EIF2S3B: variants seen among roughly 807,000 people sequenced by gnomAD.
EIF2S3B encodes the protein eukaryotic translation initiation factor 2 subunit 3B.
EIF2S3B carries 16 observed loss-of-function variants against 26.4 expected under a neutral mutation model. The observed-to-expected ratio is 0.61, with a 90% CI of 0.41 to 0.92. The LOEUF (loss-of-function observed/expected upper bound fraction) is 0.92. Ranked by LOEUF, EIF2S3B falls within the 40% of genes least tolerant of loss-of-function variation. The pLI is 0.00. For synonymous variants in EIF2S3B, 183 were observed against 204.4 expected (o/e 0.90, Z 0.89); for missense variants, 510 against 575.5 (o/e 0.89, Z 1.16).
At chr12:10,513,947 G>A (rs895676054) in intron 1 of EIF2S3B, among the ~76,000 whole-genome samples, 3 of 152,120 alleles carry the variant, frequency 2.0e-5, no homozygotes, top group African/African-American at 7.2e-5. Context: ...CCTGGGAGGT[G>A]GAGGTTGCAG....
At chr12:10,516,662 T>A in intron 1 of EIF2S3B, among the ~76,000 whole-genome samples, 1 of 151,718 alleles carries the variant, frequency 6.6e-6, no homozygotes, top group East Asian at 1.9e-4. Flanking sequence ...ATAGGAGTGG[T>A]GAGAGAGGGC....
At chr12:10,519,098 A>T (rs1044032572) in intron 1 of EIF2S3B, among the ~76,000 whole-genome samples, 9 of 151,876 alleles carry the variant, frequency 5.9e-5, no homozygotes, top group Non-Finnish European at 1.3e-4. Context: ...ACGCTACCTG[A>T]CTTCAAACTA....
intron 1 of EIF2S3B, among the ~76,000 whole-genome samples, chr12:10,514,282 A>T (rs578000332): frequency 8.7e-4 from 132 of 151,626 alleles, no homozygotes; most frequent in Non-Finnish European, 1.5e-3. Flanking sequence ...TTTTATTTCT[A>T]AATGTTGACT....
At position 10,522,400 on chromosome 12, in the gene EIF2S3B, A is replaced by T. The variant is rs557490230; in HGVS notation, c.1309-203A>T. The stretch of plus-strand genomic sequence containing the variant: ...ACTATGTCTATAACTATATTCTGTG[A>T]TTAGTTAAATAATATATGCAGTTTT... On this transcript the variant is annotated intron_variant, in intron 1 of 1. Transcript: ENST00000322446. 4.8e-5 allele frequency among the ~76,000 whole-genome samples: 7 copies of T among 144,620 alleles called. No homozygotes were observed. In the East Asian group the frequency reaches 7.7e-4, roughly 16 times the overall value. 94.9% of individuals were successfully genotyped at this position (144,620 alleles called of 152,430 possible).
At chr12:10,518,062 T>TGGTGC (rs1215312057) in intron 1 of EIF2S3B, among the ~76,000 whole-genome samples, 3 of 151,930 alleles carry the variant, frequency 2.0e-5, no homozygotes, top group African/African-American at 4.8e-5. Context: ...AGGTGTGGTG[T>TGGTGC]GGTGCTGAAA....
chr12:10,515,773 TATATA>T (rs1864748826), intron 1 of EIF2S3B, among the ~76,000 whole-genome samples: 2 of 151,792 alleles, frequency 1.3e-5, no homozygotes, highest in Admixed American at 6.6e-5. Context: ...TGTTATTTTA[TATATA>T]ATATACGTAT....
At chr12:10,516,747 T>G (rs940749924) in intron 1 of EIF2S3B, among the ~76,000 whole-genome samples, 7 of 151,968 alleles carry the variant, frequency 4.6e-5, no homozygotes, top group Admixed American at 6.6e-5. Flanking sequence ...GGCTGTGGGT[T>G]TGTCATAGAT....
downstream of EIF2S3B, among the ~76,000 whole-genome samples, chr12:10,512,297 A>G (rs990263035): frequency 1.3e-5 from 2 of 152,106 alleles, no homozygotes; most frequent in Non-Finnish European, 1.5e-5. Flanking sequence ...GGAACATTCT[A>G]TCACTCACCA....
downstream of EIF2S3B, among the ~76,000 whole-genome samples, chr12:10,510,124 T>C (rs1864689877): frequency 6.6e-6 from 1 of 152,176 alleles, no homozygotes; most frequent in Non-Finnish European, 1.5e-5. Context: ...TATTGAATAG[T>C]CTGATGTATA....
At chr12:10,522,647 C>A in exon 2 of EIF2S3B, 1 of 697,946 alleles carries the variant, frequency 1.4e-6, no homozygotes, top group Non-Finnish European at 2.6e-6. Flanking sequence ...TAGAATGGGG[C>A]CCAGTTCTTA....
intron 1 of EIF2S3B, among the ~76,000 whole-genome samples, chr12:10,522,018 T>A (rs1455345654): frequency 6.6e-6 from 1 of 152,182 alleles, no homozygotes; most frequent in Admixed American, 6.6e-5. Context: ...AACTTTTGAG[T>A]CTACAATTTT....
downstream of EIF2S3B, among the ~76,000 whole-genome samples, chr12:10,508,769 TCTG>T (rs1202854812): frequency 1.3e-5 from 2 of 151,986 alleles, no homozygotes; most frequent in African/African-American, 4.8e-5. Context: ...TTAAAATTTT[TCTG>T]CTTTTTAAAG....
rs776832018 is a variant in EIF2S3B at position 10,507,974 on chromosome 12, T to A, written c.*653T>A. Among the ~76,000 whole-genome samples, 3 of 140,536 alleles carry A rather than the reference T, an allele frequency of 2.1e-5. No homozygotes were observed. The highest frequency in any genetic ancestry group is 3.2e-5 in the African/African-American group (1 of 30,842). 92.2% of individuals were successfully genotyped at this position (140,536 alleles called of 152,430 possible). On this transcript the variant is annotated 3_prime_UTR_variant, in exon 1 of 1. Transcript: ENST00000538173. ...ATCACTGAAACTGTTCGAAATAAAG[T>A]TTTTTTTTGTTTTTCATGATTCGTC...
At chr12:10,517,631 G>A (rs1436124990) in intron 1 of EIF2S3B, among the ~76,000 whole-genome samples, 1 of 151,926 alleles carries the variant, frequency 6.6e-6, no homozygotes, top group South Asian at 2.1e-4. Context: ...TCTGATTTTA[G>A]TTATTTCTTG....
rs1479147303 is a variant in EIF2S3B at position 10,506,647 on chromosome 12, G to T, written c.745G>T (p.Asp249Tyr). 23 of 1,613,414 alleles carry T rather than the reference G, an allele frequency of 1.4e-5. No homozygotes were observed. The South Asian group carries it at 2.2e-4, about 15-fold the overall frequency. The change falls in exon 1 of 1, where the codon GAC becomes TAC. Residue 249 changes from aspartate to tyrosine, a missense_variant. Transcript: ENST00000538173. Reference sequence around the variant, plus strand: ...AAAGAAAATTCCAGTACCCCCAAGAGACTTTACTTCAGAGCCCCGGCTTAT... The same window carrying T: ...AAAGAAAATTCCAGTACCCCCAAGATACTTTACTTCAGAGCCCCGGCTTAT... ...IVKKIPVPPR[D>Y]FTSEPRLIVI...
At position 10,507,137 on chromosome 12, in the gene EIF2S3B, C is replaced by T. The variant is rs1024440840; in HGVS notation, c.1235C>T (p.Ser412Leu). 6.2e-6 allele frequency: 10 copies of T among 1,613,602 alleles called. No homozygotes were observed. Among genetic ancestry groups the T allele is most frequent in the South Asian group, 5.5e-5 (5 of 91,084 alleles). Residue 412 changes from serine (S) to leucine (L), a missense_variant, in exon 1 of 1, where the codon TCG (serine) becomes TTG (leucine). Coordinates refer to ENST00000538173, the MANE Select transcript of EIF2S3B (RefSeq NM_001357734.3). ...CTCATGGTGAACATAGGATCCCTGT[C>T]GACAGGAGGGAGAGTTAGTGCTGTC... is the stretch of plus-strand genomic sequence containing the variant. ...EVLMVNIGSLSTGGRVSAVKA... is the reference protein window; with the variant it reads ...EVLMVNIGSLLTGGRVSAVKA...
intron 1 of EIF2S3B, among the ~76,000 whole-genome samples, chr12:10,515,749 A>C (rs937816997): frequency 7.2e-5 from 11 of 151,868 alleles, no homozygotes; most frequent in African/African-American, 2.4e-4. Flanking sequence ...CATTTTACAC[A>C]CAAAAAAACT....
chr12:10,515,919 ATT>A (rs1240177466), intron 1 of EIF2S3B, among the ~76,000 whole-genome samples: 7 of 150,780 alleles, frequency 4.6e-5, no homozygotes, highest in Non-Finnish European at 8.9e-5. Context: ...GTATATATAT[ATT>A]AGCTTATTTT....
chr12:10,509,413 A>C (rs11837795), downstream of EIF2S3B, among the ~76,000 whole-genome samples: 5,955 of 152,138 alleles, frequency 0.039, 394 homozygotes, highest in African/African-American at 0.13. Flanking sequence ...TTAGAGTTTT[A>C]ATTTTAAACC....
Sources: gnomAD v4.1 joint callset for allele counts (sites outside exome capture counted in the v4.1 genomes callset) on GRCh38, gnomAD v4.1.1 for gene constraint, MANE v1.5 for transcripts, NCBI Gene and HGNC (gene_info 2026-07-23, HGNC 2026-07-21) for gene names.